DCLK2: variants seen among roughly 807,000 people sequenced by gnomAD.
DCLK2 encodes the protein doublecortin like kinase 2.
DCLK2 carries 31 observed loss-of-function variants against 78.4 expected under a neutral mutation model. The ratio of observed to expected loss-of-function variants is 0.40; its 90% CI spans 0.30 to 0.53. DCLK2 has a LOEUF of 0.53. Among genes scored for constraint, DCLK2 ranks in the 20% least tolerant of loss-of-function variants. The pLI, the probability that DCLK2 is intolerant of heterozygous loss-of-function variation, is 0.61. For missense variants in DCLK2, 872 were observed against 973.7 expected, an observed-to-expected ratio of 0.90 and a Z score of 1.39; for synonymous variants, 407 against 374.9, an observed-to-expected ratio of 1.09 and a Z score of -0.99.
chr4:150,229,798 A>C (rs1426967248), intron 8 of DCLK2, among the ~76,000 whole-genome samples: 1 of 152,184 alleles, frequency 6.6e-6, no homozygotes, highest in African/African-American at 2.4e-5. Flanking sequence ...AGAATCATGA[A>C]TCACTTAACA....
chr4:150,102,488 C>T lies in DCLK2; in HGVS notation c.432C>T (p.Tyr144=), dbSNP rs1016284361. The part of the protein sequence containing the change: ...SLDELLEGES[Y]VCASNEPFRK... ...AATTTTGCTTTTTAGGTGAGAGTTACGTGTGTGCATCCAATGAACCATTTC... is the reference window on the plus strand; with the variant it reads ...AATTTTGCTTTTTAGGTGAGAGTTATGTGTGTGCATCCAATGAACCATTTC... The change falls in exon 2 of 16, where the codon TAC becomes TAT. Residue 144 remains tyrosine (Y), a synonymous_variant. Coordinates refer to ENST00000296550, the MANE Select transcript of DCLK2 (RefSeq NM_001040260.4). 3.7e-6 allele frequency: 6 copies of T among 1,612,412 alleles called. No homozygotes were observed. The highest frequency in any genetic ancestry group is 1.1e-5 in the South Asian group (1 of 91,000).
At chr4:150,214,772 G>A (rs1740560845) in intron 5 of DCLK2, among the ~76,000 whole-genome samples, 1 of 151,870 alleles carries the variant, frequency 6.6e-6, no homozygotes, top group Admixed American at 6.6e-5. Flanking sequence ...GACCAGCCTG[G>A]CCAACATGAT....
At chr4:150,226,240 T>TG (rs1384437715) in intron 8 of DCLK2, among the ~76,000 whole-genome samples, 1 of 151,742 alleles carries the variant, frequency 6.6e-6, no homozygotes, top group Non-Finnish European at 1.5e-5. Flanking sequence ...TTTTTTTTTT[T>TG]TAACCACACT....
chr4:150,201,118 A>G (rs1315201158), intron 4 of DCLK2, among the ~76,000 whole-genome samples: 3 of 152,290 alleles, frequency 2.0e-5, no homozygotes, highest in East Asian at 1.9e-4. Context: ...ATGCCCGGCC[A>G]TTATTTTATG....
intron 2 of DCLK2, among the ~76,000 whole-genome samples, chr4:150,182,855 G>A (rs1737630573): frequency 6.6e-6 from 1 of 152,112 alleles, no homozygotes; most frequent in Non-Finnish European, 1.5e-5. Flanking sequence ...TAGAAGCAAT[G>A]TAGAAATATT....
intron 1 of DCLK2, among the ~76,000 whole-genome samples, chr4:150,090,641 A>T (rs1729994620): frequency 6.6e-6 from 1 of 152,168 alleles, no homozygotes; most frequent in African/African-American, 2.4e-5. Context: ...TTTCGTTTTT[A>T]CATTTAGCTA....
chr4:150,175,166 A>T (rs1180150250), intron 2 of DCLK2, among the ~76,000 whole-genome samples: 1 of 132,276 alleles, frequency 7.6e-6, no homozygotes, highest in Non-Finnish European at 1.6e-5. Context: ...TTTATAATTT[A>T]TATATATTTA....
chr4:150,169,550 A>G (rs9993728), intron 2 of DCLK2, among the ~76,000 whole-genome samples: 5,010 of 151,988 alleles, frequency 0.033, 262 homozygotes, highest in African/African-American at 0.11. Context: ...CTAGCTACTC[A>G]GGAGGCTGAG....
chr4:150,178,437 C>T (rs1003078334), intron 2 of DCLK2, among the ~76,000 whole-genome samples: 1 of 151,766 alleles, frequency 6.6e-6, no homozygotes, highest in Non-Finnish European at 1.5e-5. Context: ...GCATGCTTTT[C>T]GTTTCTGAAC....
intron 11 of DCLK2, 42 bp downstream of exon 11, chr4:150,239,917 G>GAGA (rs1157376658): frequency 7.9e-7 from 1 of 1,271,694 alleles, no homozygotes; most frequent in Non-Finnish European, 1.0e-6. Flanking sequence ...TAACTTTGAT[G>GAGA]AGAAAGGTCT....
At chr4:150,175,691 A>G (rs1737036428) in intron 2 of DCLK2, 1 of 152,164 alleles carries the variant, frequency 6.6e-6, no homozygotes, top group Non-Finnish European at 1.5e-5. Context: ...TAGTCTTGAA[A>G]AATGATCATG....
intron 2 of DCLK2, among the ~76,000 whole-genome samples, chr4:150,153,047 G>A (rs1483369836): frequency 6.6e-6 from 1 of 152,228 alleles, no homozygotes; most frequent in Admixed American, 6.5e-5. Flanking sequence ...GCTTTGACAA[G>A]TGAGCAGGAC....
intron 2 of DCLK2, among the ~76,000 whole-genome samples, chr4:150,144,984 T>C (rs978428292): frequency 9.9e-5 from 15 of 152,254 alleles, no homozygotes; most frequent in African/African-American, 3.6e-4. Context: ...TTAACGATGT[T>C]GATTCTTTCA....
rs34276664 is a variant in DCLK2, at chr4:150,104,394, T to TAAAAAAAAAAAAAAAAAAAAAAA, written c.756+1589_756+1611dup. ...TGGTGACAAAAAAGACCACATCTCC[T>TAAAAAAAAAAAAAAAAAAAAAAA]AAAAAAAAAAAAAAAAAAAAAAAAA... On this transcript the variant is annotated intron_variant, in intron 2 of 15. Coordinates refer to ENST00000296550, the MANE Select transcript of DCLK2 (RefSeq NM_001040260.4). 1.2e-3 allele frequency among the ~76,000 whole-genome samples: 36 copies of TAAAAAAAAAAAAAAAAAAAAAAA among 29,754 alleles called. 9 individuals carry two copies. The highest frequency in any genetic ancestry group is 0.038 in the Middle Eastern group (1 of 26). 19.5% of individuals were successfully genotyped at this position (29,754 alleles called of 152,430 possible). A position where few individuals can be genotyped will look rare whatever the true frequency, so the allele number is the denominator to read the frequency against.
At chr4:150,186,894 A>ATGTGTGTGTGTGTGTGTGTGTG (rs10683241) in intron 2 of DCLK2, among the ~76,000 whole-genome samples, 1 of 147,498 alleles carries the variant, frequency 6.8e-6, no homozygotes, top group Non-Finnish European at 1.5e-5. Context: ...CTATCTCAAA[A>ATGTGTGTGTGTGTGTGTGTGTG]TGTGTGTGTG....
At chr4:150,187,058 A>G (rs1738011329) in intron 2 of DCLK2, among the ~76,000 whole-genome samples, 2 of 152,188 alleles carry the variant, frequency 1.3e-5, no homozygotes, top group African/African-American at 4.8e-5. Flanking sequence ...AATTCTGTTT[A>G]TTTACATTAT....
intron 10 of DCLK2, among the ~76,000 whole-genome samples, chr4:150,233,083 G>A (rs1040548135): frequency 5.3e-5 from 8 of 152,184 alleles, no homozygotes; most frequent in Admixed American, 2.0e-4. Context: ...AATTTATGAA[G>A]AAAAGAGGTT....
chr4:150,187,685 A>G (rs568726379), intron 2 of DCLK2, among the ~76,000 whole-genome samples: 1 of 152,314 alleles, frequency 6.6e-6, no homozygotes. Flanking sequence ...AGTGCCTGGC[A>G]CATAATGAGT....
chr4:150,209,555 C>G (rs919830953), intron 5 of DCLK2, among the ~76,000 whole-genome samples: 3 of 152,196 alleles, frequency 2.0e-5, no homozygotes, highest in African/African-American at 7.2e-5. Flanking sequence ...AAGTCTTGGT[C>G]TGCTTTGGCC....
Sources: gnomAD v4.1 joint callset for allele counts (sites outside exome capture counted in the v4.1 genomes callset) on GRCh38, gnomAD v4.1.1 for gene constraint, MANE v1.5 for transcripts, NCBI Gene and HGNC (gene_info 2026-07-23, HGNC 2026-07-21) for gene names.